TNPO2: variants seen among roughly 807,000 people sequenced by gnomAD.
TNPO2 encodes the protein transportin 2, also known as transportin-2.
Under a neutral mutation model 111.1 loss-of-function variants are expected in TNPO2, and 16 were observed. That is an observed-to-expected ratio of 0.14 (90% confidence interval 0.10 to 0.22). The LOEUF is 0.22. TNPO2 is among the 10% of genes least tolerant of loss of function. The pLI, the probability that TNPO2 is intolerant of heterozygous loss-of-function variation, is 1.00. For missense variants in TNPO2, 530 were observed against 1,173.7 expected, an observed-to-expected ratio of 0.45 and a Z score of 8.01; for synonymous variants, 481 against 475.8, an observed-to-expected ratio of 1.01 and a Z score of -0.14.
rs1206465210 is a variant in TNPO2, at chr19:12,706,778, C to G, written c.1288G>C (p.Val430Leu). The G allele has an allele frequency of 6.8e-6, 11 of 1,609,202 alleles. No individual in the cohort carries two copies. The highest frequency in any genetic ancestry group is 8.5e-6 in the Non-Finnish European group (10 of 1,177,860). Residue 430 changes from valine to leucine, a missense_variant, in exon 14 of 26, where the codon GTG (valine) becomes CTG (leucine). By Grantham distance (32) the Val-to-Leu change is conservative. Around this residue, in one of 4 missense-constraint regions of TNPO2, gnomAD observed 183 missense variants for 481.0 expected, o/e 0.38. Coordinates refer to ENST00000425528, the MANE Select transcript of TNPO2 (RefSeq NM_001382241.1). This position sits in a 1 kb window ranked among gnomAD's most constrained non-coding sequence, Gnocchi z 7.0. The part of the protein sequence containing the change: ...AIAEGCMQGM[V>L]PYLPELIPHL... ...GGGATCAGCTCAGGCAGGTAGGGCA[C>G]CATGCCCTGCATGCAGCCTACAAGG...
In TNPO2 at chr19:12,703,429, C is replaced by T. The variant is rs759592045; in HGVS notation, c.2208G>A (p.Met736Ile). Reference protein sequence around the residue: ...TWAIGEICMQMGAEMQPYVQM... With the variant: ...TWAIGEICMQIGAEMQPYVQM... ...TGTTGCCACTTGCAGGGCACTCACC[C>T]ATCTGCATGCAGATTTCACCAATGG... is the stretch of plus-strand genomic sequence containing the variant. The change falls in exon 20 of 26, where the codon ATG (methionine) becomes ATA (isoleucine). Residue 736 changes from methionine (M) to isoleucine (I), a missense_variant and splice_region_variant. Transcript: ENST00000425528. 6.2e-7 allele frequency: 1 copy of T among 1,613,404 alleles called. No individual in the cohort carries two copies. Among genetic ancestry groups the T allele is most frequent in the Non-Finnish European group, 8.5e-7 (1 of 1,179,492 alleles).
At chr19:12,714,189 G>C (rs1430111807) in intron 10 of TNPO2, among the ~76,000 whole-genome samples, 1 of 152,190 alleles carries the variant, frequency 6.6e-6, no homozygotes, top group Non-Finnish European at 1.5e-5. Flanking sequence ...TACCCAGAGG[G>C]AAGGTTGTGC....
rs993055733 is a variant in TNPO2 at position 12,719,969 on chromosome 19, T to A, written c.100-633A>T. Among the ~76,000 whole-genome samples the A allele has an allele frequency of 2.1e-4, 32 of 151,046 alleles. No individual in the cohort carries two copies. Among genetic ancestry groups the A allele is most frequent in the Admixed American group, 1.1e-3 (16 of 15,160 alleles). On this transcript the variant is annotated intron_variant, in intron 3 of 25. Coordinates refer to ENST00000425528, the MANE Select transcript of TNPO2 (RefSeq NM_001382241.1). This position sits in a 1 kb window ranked among gnomAD's most constrained non-coding sequence, Gnocchi z 5.0. ...GCCATGAAGACTTTTTTTTTTTTTT[T>A]AAAAGAGGGAATCCAAATTTTGGGG...
In TNPO2 at chr19:12,705,591, T is replaced by C. The variant is rs759432891; in HGVS notation, c.1764A>G (p.Ser588=). ...CACTCTGCAGGGCGGTGGCCACCGA[T>C]GACAGACACTGGCAGGGAGGAAGGC... ...KDLFPLLECL[S]SVATALQSGF... The change falls in exon 17 of 26, where the codon TCA becomes TCG. Residue 588 remains serine (S), a synonymous_variant. Transcript: ENST00000425528. This position sits in a 1 kb window ranked among gnomAD's most constrained non-coding sequence, Gnocchi z 7.2. The C allele has an allele frequency of 3.1e-6, 5 of 1,600,790 alleles. No homozygotes were observed. The highest frequency in any genetic ancestry group is 1.1e-5 in the South Asian group (1 of 88,518).
intron 10 of TNPO2, among the ~76,000 whole-genome samples, chr19:12,712,272 G>C (rs1274793289): frequency 6.6e-6 from 1 of 152,194 alleles, no homozygotes; most frequent in Non-Finnish European, 1.5e-5. Context: ...GCGGATCATG[G>C]TCCAGCGGTA....
intron 10 of TNPO2, among the ~76,000 whole-genome samples, chr19:12,714,232 C>G (rs2026236077): frequency 6.6e-6 from 1 of 152,022 alleles, no homozygotes; most frequent in Non-Finnish European, 1.5e-5. Flanking sequence ...GGAAGCAGAT[C>G]TGAGACCACA....
intron 5 of TNPO2, among the ~76,000 whole-genome samples, chr19:12,716,232 ACT>A (rs1447894076): frequency 1.2e-4 from 18 of 151,828 alleles, no homozygotes; most frequent in Admixed American, 1.2e-3. Flanking sequence ...CTGTGAGTCA[ACT>A]CTGTTCCAGG....
intron 18 of TNPO2, 28 bp from the exon 19 acceptor site, chr19:12,703,829 C>G: frequency 6.5e-7 from 1 of 1,545,186 alleles, no homozygotes; most frequent in South Asian, 1.2e-5. Context: ...ATCAGTGTGG[C>G]TAGGCTCCCC....
chr19:12,710,961 C>G (rs1166419313), intron 12 of TNPO2, among the ~76,000 whole-genome samples, 188 bp from the exon 13 acceptor site: 1 of 152,128 alleles, frequency 6.6e-6, no homozygotes, highest in Non-Finnish European at 1.5e-5. Context: ...GTGGCGCTAT[C>G]TCGGCTCACT....
rs989867594 is a variant in TNPO2, at chr19:12,699,569, C to G, written c.*1695G>C. The stretch of plus-strand genomic sequence containing the variant: ...GCGAGGGGTTACCAATCCCATCAGA[C>G]AGCCAATCCATCCACACACCCCAAG... On this transcript the variant is annotated 3_prime_UTR_variant, in exon 26 of 26. Coordinates refer to ENST00000425528, the MANE Select transcript of TNPO2 (RefSeq NM_001382241.1). The G allele has an allele frequency of 6.6e-6, 1 of 152,054 alleles. No individual in the cohort carries two copies. 9.4% of individuals were successfully genotyped at this position (152,054 alleles called of 1,614,324 possible).
At chr19:12,707,545 A>G (rs1386955237) in intron 13 of TNPO2, among the ~76,000 whole-genome samples, 6 of 122,206 alleles carry the variant, frequency 4.9e-5, no homozygotes, top group South Asian at 2.6e-4. Flanking sequence ...GCTAGAGTGC[A>G]GTGGTGTGAT....
intron 18 of TNPO2, among the ~76,000 whole-genome samples, chr19:12,704,368 CA>C (rs2025500894): frequency 8.1e-6 from 1 of 123,268 alleles, no homozygotes; most frequent in African/African-American, 3.0e-5. Context: ...GACTCTGTCT[CA>C]AAAAACAGGT....
intron 18 of TNPO2, among the ~76,000 whole-genome samples, chr19:12,704,138 A>AG (rs1423128414): frequency 2.6e-5 from 4 of 152,234 alleles, no homozygotes; most frequent in Non-Finnish European, 5.9e-5. Context: ...AGGCCGAGGC[A>AG]GGCAGATCAC....
In TNPO2 at chr19:12,705,469, G is replaced by C. The variant is rs760033774; in HGVS notation, c.1863+23C>G. On this transcript the variant is annotated intron_variant, in intron 17 of 25. Transcript: ENST00000425528. The surrounding 1 kb of genome is among the most constrained non-coding windows in gnomAD (Gnocchi z 7.2). ...GAGGCAGGCCAATGCAGAAGCACAGGTGACGGGCCTAGGGTTGCTCACCAT... is the reference window on the plus strand; with the variant it reads ...GAGGCAGGCCAATGCAGAAGCACAGCTGACGGGCCTAGGGTTGCTCACCAT... The C allele has an allele frequency of 1.3e-5, 20 of 1,581,286 alleles. No individual in the cohort carries two copies. The highest frequency in any genetic ancestry group is 1.5e-5 in the Non-Finnish European group (18 of 1,163,874).
rs1040306623 is a variant in TNPO2, at chr19:12,700,524, C to G, written c.*740G>C. 8.5e-5 allele frequency: 13 copies of G among 152,336 alleles called. No homozygotes were observed. Among genetic ancestry groups the G allele is most frequent in the Admixed American group, 3.3e-4 (5 of 15,262 alleles). The allele number at this position is 152,336 out of a possible 1,614,324, so 9.4% of individuals were successfully genotyped here. On this transcript the variant is annotated 3_prime_UTR_variant, in exon 26 of 26. Coordinates refer to ENST00000425528, the MANE Select transcript of TNPO2 (RefSeq NM_001382241.1). ...GGCTAGGATAAGGACGGAGACACCA[C>G]CAGCTGAGGCTGCAACAAAGCTGGC...
rs532506375 is a variant in TNPO2 at position 12,701,909 on chromosome 19, G to A, written c.2412-58C>T. ...GCAGGCTGGGCATGCATCTGTGGAG[G>A]GCTGGGTCACTGGGGATCAGTGAGT... On this transcript the variant is annotated intron_variant, in intron 22 of 25. Transcript: ENST00000425528. The surrounding 1 kb of genome is among the most constrained non-coding windows in gnomAD (Gnocchi z 5.0). The A allele has an allele frequency of 6.6e-7, 1 of 1,524,360 alleles. No homozygotes were observed. Among genetic ancestry groups the A allele is most frequent in the Non-Finnish European group, 9.1e-7 (1 of 1,100,772 alleles). The allele number at this position is 1,524,360 out of a possible 1,614,324, so 94.4% of individuals were successfully genotyped here.
At position 12,721,024 on chromosome 19, in the gene TNPO2, C is replaced by G; in HGVS notation, c.-13-34G>C. On this transcript the variant is annotated intron_variant, in intron 2 of 25. Transcript: ENST00000425528. This position sits in a 1 kb window ranked among gnomAD's most constrained non-coding sequence, Gnocchi z 4.9. ...GTAGGGGCCGGGGTCAGCGCTGGGT[C>G]TCTGGGGCTCCGTGTGAGACCCAGG... The G allele has an allele frequency of 6.5e-7, 1 of 1,539,748 alleles. No individual in the cohort carries two copies. Among genetic ancestry groups the G allele is most frequent in the Non-Finnish European group, 8.7e-7 (1 of 1,147,746 alleles).
intron 10 of TNPO2, 65 bp downstream of exon 10, chr19:12,714,756 G>A: frequency 7.8e-7 from 1 of 1,282,100 alleles, no homozygotes; most frequent in Non-Finnish European, 1.1e-6. Context: ...GTGACCAGAA[G>A]GGAAGGCAGA....
chr19:12,703,939 T>C (rs1476282131), intron 18 of TNPO2, 138 bp from the exon 19 acceptor site: 2 of 724,360 alleles, frequency 2.8e-6, no homozygotes, highest in Non-Finnish European at 4.6e-6. Flanking sequence ...TTAACCTCCC[T>C]AGCCTCCAGC....
Sources: gnomAD v4.1 joint callset for allele counts (sites outside exome capture counted in the v4.1 genomes callset) on GRCh38, gnomAD v4.1.1 for gene constraint, gnomAD v4.1.1 regional missense constraint, Gnocchi (gnomAD v3.1) non-coding constraint, MANE v1.5 for transcripts, NCBI Gene and HGNC (gene_info 2026-07-23, HGNC 2026-07-21) for gene names.